Variants in PRKG1 observed in about 807,000 individuals in gnomAD.
PRKG1 encodes cGMP-dependent protein kinase 1.
PRKG1 carries 35 observed loss-of-function variants against 88.1 expected under a neutral mutation model. The observed-to-expected ratio is 0.40, with a 90% CI of 0.30 to 0.53. PRKG1 has a LOEUF of 0.53. Among genes scored for constraint, PRKG1 ranks in the 20% least tolerant of loss-of-function variants. The probability of loss-of-function intolerance (pLI) is 0.59; values close to 1 mark genes in which losing one functional copy is unlikely to be tolerated. For synonymous variants in PRKG1, 303 were observed against 292.5 expected (o/e 1.04, Z -0.37); for missense variants, 540 against 839.8 (o/e 0.64, Z 4.41).
chr10:51,894,758 A>T (rs1323240292), intron 4 of PRKG1, among the ~76,000 whole-genome samples: 2 of 152,234 alleles, frequency 1.3e-5, no homozygotes, highest in African/African-American at 4.8e-5. Context: ...GTGTAGTTTT[A>T]GAAGACGGTT....
intron 1 of PRKG1, among the ~76,000 whole-genome samples, chr10:51,019,869 T>C (rs1362115903): frequency 6.6e-6 from 1 of 151,922 alleles, no homozygotes; most frequent in Non-Finnish European, 1.5e-5. Flanking sequence ...AAAGAAGATA[T>C]ATAAATGACC....
At chr10:52,285,475 T>A (rs752736350) in intron 14 of PRKG1, among the ~76,000 whole-genome samples, 3 of 152,106 alleles carry the variant, frequency 2.0e-5, no homozygotes, top group Non-Finnish European at 4.4e-5. Context: ...TATGGCAGAA[T>A]GAAAAGCTGG....
chr10:51,894,182 A>C (rs1841786613), intron 4 of PRKG1, among the ~76,000 whole-genome samples: 1 of 152,218 alleles, frequency 6.6e-6, no homozygotes, highest in Non-Finnish European at 1.5e-5. Context: ...GATTATTTTA[A>C]GTTATCATAT....
chr10:52,282,475 A>T (rs539558354), intron 14 of PRKG1, among the ~76,000 whole-genome samples, 159 bp downstream of exon 14: 37 of 152,236 alleles, frequency 2.4e-4, no homozygotes, highest in Middle Eastern at 3.4e-3. Context: ...TTCATAATGT[A>T]AGGTATAAAA....
At chr10:52,050,127 G>T (rs1845955255) in intron 5 of PRKG1, among the ~76,000 whole-genome samples, 1 of 151,994 alleles carries the variant, frequency 6.6e-6, no homozygotes. Flanking sequence ...TGAAAGAAAA[G>T]TAGGATATAA....
chr10:51,832,807 T>G (rs907673814), intron 4 of PRKG1, among the ~76,000 whole-genome samples: 5 of 152,118 alleles, frequency 3.3e-5, no homozygotes, highest in Non-Finnish European at 7.4e-5. Context: ...TATGGAATGG[T>G]GAGGGGAGGA....
At chr10:51,237,245 G>C (rs1839020249) in intron 2 of PRKG1, among the ~76,000 whole-genome samples, 1 of 152,180 alleles carries the variant, frequency 6.6e-6, no homozygotes, top group Non-Finnish European at 1.5e-5. Flanking sequence ...TTTACCAAAT[G>C]ATATTCTGAT....
intron 3 of PRKG1, among the ~76,000 whole-genome samples, chr10:51,611,484 T>A (rs55856718): frequency 0.69 from 102,722 of 149,476 alleles, 38,929 homozygotes; most frequent in Non-Finnish European, 0.84. Flanking sequence ...TGCCCTTTTT[T>A]AAAAAAAAAA....
chr10:51,119,716 A>G (rs1288572649), intron 1 of PRKG1, among the ~76,000 whole-genome samples: 3 of 152,088 alleles, frequency 2.0e-5, no homozygotes, highest in Non-Finnish European at 4.4e-5. Context: ...AAATCTTTCC[A>G]TTTTACAGTA....
chr10:51,656,965 A>C (rs1840177066), intron 3 of PRKG1, among the ~76,000 whole-genome samples: 1 of 152,186 alleles, frequency 6.6e-6, no homozygotes, highest in African/African-American at 2.4e-5. Flanking sequence ...GCCTTGGGCA[A>C]GTTACTTGAA....
intron 1 of PRKG1, among the ~76,000 whole-genome samples, chr10:51,003,866 C>G (rs1218886770): frequency 7.2e-5 from 11 of 152,002 alleles, no homozygotes; most frequent in Non-Finnish European, 1.6e-4. Flanking sequence ...ATAATAGTAC[C>G]TAGGCTTCTT....
In PRKG1 at chr10:51,138,675, G is replaced by GTTTTTTTTTTT. The variant is rs71459405; in HGVS notation, c.312-14473_312-14463dup. Among the ~76,000 whole-genome samples, 14 of 68,532 alleles carry GTTTTTTTTTTT rather than the reference G, an allele frequency of 2.0e-4. 1 individual carries two copies. Among genetic ancestry groups the GTTTTTTTTTTT allele is most frequent in the South Asian group, 6.0e-4 (1 of 1,666 alleles). The allele number at this position is 68,532 out of a possible 152,430, so 45.0% of individuals were successfully genotyped here. On this transcript the variant is annotated intron_variant, in intron 1 of 17. Coordinates refer to ENST00000373980, the MANE Select transcript of PRKG1 (RefSeq NM_006258.4). ...CCAGTCTTTTTGGACATTGAGTTTT[G>GTTTTTTTTTTT]TTTTTTTTTTTTTTTTTTTTTTTTT...
chr10:52,159,116 C>T (rs7899204), intron 8 of PRKG1, among the ~76,000 whole-genome samples: 3 of 151,242 alleles, frequency 2.0e-5, no homozygotes, highest in Non-Finnish European at 4.4e-5. Flanking sequence ...TAGTTAGAGT[C>T]CTATGGGTGA....
intron 1 of PRKG1, among the ~76,000 whole-genome samples, chr10:51,020,614 G>T (rs543583432): frequency 6.6e-6 from 1 of 152,182 alleles, no homozygotes; most frequent in South Asian, 2.1e-4. Context: ...AACTCATATT[G>T]TATTCTCAAA....
chr10:52,022,032 C>A (rs1845199370), intron 5 of PRKG1, among the ~76,000 whole-genome samples: 1 of 152,114 alleles, frequency 6.6e-6, no homozygotes. Context: ...TTCAACTTTA[C>A]AATGGTGTGA....
At chr10:51,091,786 A>G (rs1844403494) in intron 1 of PRKG1, among the ~76,000 whole-genome samples, 1 of 152,192 alleles carries the variant, frequency 6.6e-6, no homozygotes, top group African/African-American at 2.4e-5. Flanking sequence ...GAGGATTAAT[A>G]TACCTTTTCC....
At chr10:51,636,850 G>A (rs1250724689) in intron 3 of PRKG1, among the ~76,000 whole-genome samples, 2 of 152,126 alleles carry the variant, frequency 1.3e-5, no homozygotes, top group Admixed American at 6.6e-5. Flanking sequence ...GGTAGCAAAC[G>A]AGGAGAACAG....
At chr10:52,140,024 A>G (rs1229799931) in intron 8 of PRKG1, among the ~76,000 whole-genome samples, 1 of 152,206 alleles carries the variant, frequency 6.6e-6, no homozygotes, top group Non-Finnish European at 1.5e-5. Context: ...ATTTATGGAC[A>G]TTGACATTTG....
chr10:51,912,128 G>A (rs1842231814), intron 5 of PRKG1, among the ~76,000 whole-genome samples: 1 of 152,190 alleles, frequency 6.6e-6, no homozygotes, highest in African/African-American at 2.4e-5. Context: ...ATGAACGTAT[G>A]GGGAGCCATG....
Sources: gnomAD v4.1 joint callset for allele counts (sites outside exome capture counted in the v4.1 genomes callset) on GRCh38, gnomAD v4.1.1 for gene constraint, MANE v1.5 for transcripts, NCBI Gene and HGNC (gene_info 2026-07-23, HGNC 2026-07-21) for gene names.